PINX1: variants seen among roughly 807,000 people sequenced by gnomAD.
The protein encoded by PINX1 is PIN2/TERF1-interacting telomerase inhibitor 1.
Under a neutral mutation model 25.4 loss-of-function variants are expected in PINX1, and 34 were observed. That is an observed-to-expected ratio of 1.34 (90% CI 1.02 to 1.78). The LOEUF is 1.78. Ranked by LOEUF, PINX1 falls within the 40% of genes most tolerant of loss-of-function variation. The pLI is 0.00. For synonymous variants in PINX1, 197 were observed against 147.7 expected (o/e 1.33, Z -2.42); for missense variants, 592 against 404.9 (o/e 1.46, Z -3.97).
chr8:10,811,934 C>G (rs1433719012), intron 6 of PINX1, among the ~76,000 whole-genome samples: 1 of 152,130 alleles, frequency 6.6e-6, no homozygotes, highest in Admixed American at 6.5e-5. Context: ...GTGGTAAGGG[C>G]CCACTTAGAA....
chr8:10,795,469 C>A, intron 6 of PINX1, among the ~76,000 whole-genome samples: 1 of 152,316 alleles, frequency 6.6e-6, no homozygotes, highest in East Asian at 1.9e-4. Flanking sequence ...GGCGCGATCT[C>A]GGCTCAGTGC....
chr8:10,773,904 C>T (rs778286495), intron 6 of PINX1, among the ~76,000 whole-genome samples: 5 of 152,234 alleles, frequency 3.3e-5, no homozygotes, highest in Non-Finnish European at 7.3e-5. Flanking sequence ...TCCCGACACA[C>T]TGGCCATGGA....
At chr8:10,811,109 C>A (rs553683687) in intron 6 of PINX1, among the ~76,000 whole-genome samples, 2 of 152,342 alleles carry the variant, frequency 1.3e-5, no homozygotes, top group South Asian at 4.1e-4. Context: ...CTGGGCACTT[C>A]GCTAAGAGTT....
rs143493430 is a variant in PINX1 at position 10,768,843 on chromosome 8, T to TA, written c.472-2928dup. 1.7e-4 allele frequency among the ~76,000 whole-genome samples: 26 copies of TA among 152,348 alleles called. No homozygotes were observed. The East Asian group carries it at 5.0e-3, about 29-fold the overall frequency. On this transcript the variant is annotated intron_variant, in intron 6 of 6. Coordinates refer to ENST00000314787, the MANE Select transcript of PINX1 (RefSeq NM_017884.6). ...GACCATGGCATCACATAAAAATAGA[T>TA]ACATCTTTTCAAGAAAACTAATGCT...
intron 6 of PINX1, among the ~76,000 whole-genome samples, chr8:10,802,211 A>G (rs1029364363): frequency 6.6e-6 from 1 of 152,244 alleles, no homozygotes; most frequent in African/African-American, 2.4e-5. Context: ...AATGCCAGGG[A>G]ACTCCCTCCC....
chr8:10,837,965 T>C (rs1798453161), intron 1 of PINX1, among the ~76,000 whole-genome samples: 1 of 152,230 alleles, frequency 6.6e-6, no homozygotes, highest in African/African-American at 2.4e-5. Flanking sequence ...TATACTCTTA[T>C]AACATATAAG....
intron 1 of PINX1, among the ~76,000 whole-genome samples, chr8:10,837,876 G>A (rs529328751): frequency 1.3e-5 from 2 of 152,320 alleles, no homozygotes; most frequent in African/African-American, 2.4e-5. Flanking sequence ...GGCCTGAGGA[G>A]GCCTCCGTAC....
chr8:10,782,405 T>C (rs1421354299), intron 6 of PINX1, among the ~76,000 whole-genome samples: 1 of 147,994 alleles, frequency 6.8e-6, no homozygotes, highest in Admixed American at 6.8e-5. Context: ...CATGTACAGC[T>C]TTAAATATAC....
intron 5 of PINX1, chr8:10,825,272 A>G: frequency 1.9e-6 from 1 of 521,582 alleles, no homozygotes; most frequent in Non-Finnish European, 4.0e-6. Context: ...GATACGCATG[A>G]CATTCCTAGA....
chr8:10,824,764 C>T (rs564332907), intron 5 of PINX1, among the ~76,000 whole-genome samples: 27 of 152,172 alleles, frequency 1.8e-4, no homozygotes, highest in Non-Finnish European at 2.9e-4. Context: ...CCACATCATC[C>T]GAAAGTTACA....
chr8:10,774,269 T>C (rs1742630110), intron 6 of PINX1, among the ~76,000 whole-genome samples: 1 of 151,750 alleles, frequency 6.6e-6, no homozygotes, highest in South Asian at 2.1e-4. Context: ...TTCTAATTTC[T>C]AAAAAGAATA....
chr8:10,830,093 C>T (rs1212047889), intron 4 of PINX1, among the ~76,000 whole-genome samples: 4 of 152,202 alleles, frequency 2.6e-5, no homozygotes, highest in Non-Finnish European at 5.9e-5. Context: ...ATAGATCCTG[C>T]ATTTCCTAAT....
At chr8:10,783,265 C>T (rs571427604) in intron 6 of PINX1, among the ~76,000 whole-genome samples, 51 of 152,260 alleles carry the variant, frequency 3.3e-4, no homozygotes, top group African/African-American at 1.2e-3. Flanking sequence ...AAAAGAACCT[C>T]TTAACCTTTA....
chr8:10,773,264 C>G (rs1022529612), intron 6 of PINX1, among the ~76,000 whole-genome samples: 1 of 152,146 alleles, frequency 6.6e-6, no homozygotes, highest in South Asian at 2.1e-4. Flanking sequence ...AACTGGAGGA[C>G]GCTGGGCTTT....
chr8:10,784,556 C>G (rs894030658), intron 6 of PINX1, among the ~76,000 whole-genome samples: 2 of 152,222 alleles, frequency 1.3e-5, no homozygotes, highest in Non-Finnish European at 1.5e-5. Context: ...GGCAAAGTAG[C>G]TTTCCTAAGT....
chr8:10,792,189 C>A (rs10481452), intron 6 of PINX1, among the ~76,000 whole-genome samples: 30,397 of 152,070 alleles, frequency 0.2, 4,325 homozygotes, highest in African/African-American at 0.4. Flanking sequence ...CTCGCTCTCC[C>A]TGCACTCTCC....
In PINX1 at chr8:10,777,437, G is replaced by C. The variant is rs919599551; in HGVS notation, c.472-11521C>G. On this transcript the variant is annotated intron_variant, in intron 6 of 6. Coordinates refer to ENST00000314787, the MANE Select transcript of PINX1 (RefSeq NM_017884.6). ...GATGCACTCTCGGCACCATGTGCTA[G>C]AGCGAGATAAGACCAGAGATTCTGT... Among the ~76,000 whole-genome samples, 12 of 152,196 alleles carry C rather than the reference G, an allele frequency of 7.9e-5. No individual in the cohort carries two copies. The East Asian group carries it at 2.3e-3, about 29-fold the overall frequency.
At chr8:10,807,503 C>G (rs986240327) in intron 6 of PINX1, among the ~76,000 whole-genome samples, 39 of 152,006 alleles carry the variant, frequency 2.6e-4, no homozygotes, top group Admixed American at 1.1e-3. Context: ...AATCTTCATA[C>G]TGAAAGTTCT....
intron 5 of PINX1, among the ~76,000 whole-genome samples, chr8:10,824,660 C>T (rs1586199712): frequency 3.3e-5 from 5 of 152,308 alleles, no homozygotes; most frequent in Admixed American, 2.6e-4. Flanking sequence ...TTATCCCAGC[C>T]TCAGCAAATG....
Sources: allele counts gnomAD v4.1 joint callset (sites outside exome capture counted in the v4.1 genomes callset), GRCh38; gene constraint gnomAD v4.1.1; transcripts MANE v1.5; gene names NCBI Gene and HGNC (gene_info 2026-07-23, HGNC 2026-07-21).